Variants in FREM1 observed in about 807,000 individuals in gnomAD.
FREM1 encodes the protein FRAS1 related extracellular matrix 1, also known as FRAS1-related extracellular matrix protein 1.
A neutral mutation model predicts 210.1 loss-of-function variants in FREM1; 220 were observed. That is an observed-to-expected ratio of 1.05 (90% CI 0.94 to 1.17). The LOEUF (loss-of-function observed/expected upper bound fraction) is 1.17. Among genes scored for constraint, FREM1 ranks in the 50% most tolerant of loss-of-function variants. FREM1 has a pLI of 0.00. For synonymous variants in FREM1, 1,189 were observed against 980.2 expected, an observed-to-expected ratio of 1.21 and a Z score of -3.98; for missense variants, 3,454 against 2,675.5, an observed-to-expected ratio of 1.29 and a Z score of -6.42.
At chr9:14,861,371 G>GTACACA (rs1564109083) in intron 3 of FREM1, among the ~76,000 whole-genome samples, 1 of 65,124 alleles carries the variant, frequency 1.5e-5, no homozygotes, top group Non-Finnish European at 3.1e-5. Flanking sequence ...ATATATACAC[G>GTACACA]TATATACATA....
At chr9:14,835,120 T>C (rs139733274) in intron 10 of FREM1, among the ~76,000 whole-genome samples, 3 of 152,298 alleles carry the variant, frequency 2.0e-5, no homozygotes, top group African/African-American at 7.2e-5. Context: ...CAAAACAAAA[T>C]TTAACTAAGT....
rs554485869 is a variant in FREM1, at chr9:14,884,315, C to T, written c.-267-15071G>A. On this transcript the variant is annotated intron_variant, in intron 1 of 36. Coordinates refer to ENST00000380880, the MANE Select transcript of FREM1 (RefSeq NM_001379081.2). ...GTGGCTCAGCTGTTTCTTAACATTT[C>T]GAAATCCTCCTGACATGACTGCAAA... Among the ~76,000 whole-genome samples the T allele has an allele frequency of 4.6e-5, 7 of 152,274 alleles. No homozygotes were observed. In the South Asian group the frequency reaches 6.2e-4, roughly 14 times the overall value.
intron 10 of FREM1, 52 bp downstream of exon 10, chr9:14,841,395 A>T (rs1825674455): frequency 1.4e-6 from 2 of 1,445,584 alleles, no homozygotes; most frequent in Admixed American, 4.2e-5. Flanking sequence ...ATCTCCTAGA[A>T]TTGACACCTG....
chr9:14,849,887 T>C (rs977984152), intron 6 of FREM1, among the ~76,000 whole-genome samples: 6 of 152,094 alleles, frequency 3.9e-5, no homozygotes, highest in African/African-American at 1.2e-4. Flanking sequence ...AGATTGGATG[T>C]GCAATGAGAA....
At position 14,892,036 on chromosome 9, in the gene FREM1, C is replaced by T. The variant is rs905325108; in HGVS notation, c.-268+17878G>A. Among the ~76,000 whole-genome samples, 2 of 152,150 alleles carry T rather than the reference C, an allele frequency of 1.3e-5. 1 individual carries two copies. The highest frequency in any genetic ancestry group is 1.3e-4 in the Admixed American group (2 of 15,260). On this transcript the variant is annotated intron_variant, in intron 1 of 36. Transcript: ENST00000380880. Reference sequence around the variant, plus strand: ...ACTTGCTTTCACTTTACTCTATGGACTCACCCTGAATTCTTTCTATCCTAA... The same window carrying T: ...ACTTGCTTTCACTTTACTCTATGGATTCACCCTGAATTCTTTCTATCCTAA...
intron 27 of FREM1, among the ~76,000 whole-genome samples, chr9:14,769,404 C>T (rs1304948812): frequency 2.0e-5 from 3 of 152,152 alleles, no homozygotes; most frequent in Non-Finnish European, 4.4e-5. Context: ...CTACATGAAC[C>T]TGCAAACTCA....
In FREM1 at chr9:14,807,971, T is replaced by G; in HGVS notation, c.3057A>C (p.Pro1019=). ...PVYDLNITVY[P]VDNQPPSIAI... is the part of the protein sequence containing the mutation. ...CAATGGAAGGTGGCTGGTTGTCTAC[T>G]GGGTATACCGTGATGTTGAGATCAT... The change falls in exon 17 of 37, where the codon CCA becomes CCC. Residue 1019 remains proline (P), a synonymous_variant. Transcript: ENST00000380880. 6.2e-7 allele frequency: 1 copy of G among 1,613,632 alleles called. No individual in the cohort carries two copies. The highest frequency in any genetic ancestry group is 8.5e-7 in the Non-Finnish European group (1 of 1,179,658).
At chr9:14,876,535 C>A (rs2132038760) in intron 1 of FREM1, among the ~76,000 whole-genome samples, 1 of 152,296 alleles carries the variant, frequency 6.6e-6, no homozygotes. Context: ...GTCGGAAAAG[C>A]ACAGTATGAG....
At chr9:14,782,196 T>A (rs1169919373) in intron 24 of FREM1, among the ~76,000 whole-genome samples, 1 of 152,256 alleles carries the variant, frequency 6.6e-6, no homozygotes, top group East Asian at 1.9e-4. Context: ...CATTTTGTAG[T>A]TCTCTCTGGC....
At chr9:14,805,282 T>C (rs1433910824) in intron 18 of FREM1, 130 bp from the exon 19 acceptor site, 1 of 495,406 alleles carries the variant, frequency 2.0e-6, no homozygotes, top group Admixed American at 3.5e-5. Context: ...TTGACCTAAG[T>C]ATCTTGCTAT....
chr9:14,812,780 A>G (rs754050962), intron 16 of FREM1, 32 bp downstream of exon 16: 1 of 1,571,470 alleles, frequency 6.4e-7, no homozygotes, highest in Non-Finnish European at 8.6e-7. Context: ...TGTTGCTTGC[A>G]TTCCCTCACT....
chr9:14,840,944 T>G (rs1275995249), intron 10 of FREM1, among the ~76,000 whole-genome samples: 3 of 152,238 alleles, frequency 2.0e-5, no homozygotes, highest in Non-Finnish European at 2.9e-5. Flanking sequence ...CTAATGTATT[T>G]ATTGAGTGTT....
chr9:14,774,884 T>G (rs984082199), intron 25 of FREM1, among the ~76,000 whole-genome samples: 1 of 152,200 alleles, frequency 6.6e-6, no homozygotes, highest in East Asian at 1.9e-4. Context: ...CCTGAACTTG[T>G]ACCCTCATCT....
At chr9:14,770,164 A>T (rs894036540) in intron 26 of FREM1, among the ~76,000 whole-genome samples, 2 of 152,198 alleles carry the variant, frequency 1.3e-5, no homozygotes, top group Non-Finnish European at 2.9e-5. Context: ...CTGTTTAATG[A>T]TGTATTATGA....
chr9:14,891,031 G>T (rs1308698570), intron 1 of FREM1, among the ~76,000 whole-genome samples: 2 of 152,054 alleles, frequency 1.3e-5, no homozygotes, highest in African/African-American at 4.8e-5. Flanking sequence ...TCTTCATCAG[G>T]GACCTACCGT....
Position 14,780,069 on chromosome 9 carries a change from T to G in FREM1, c.4443-3866A>C, listed in dbSNP as rs115416303. ...CTGATCAATCAGATGGTCTTCCAAA[T>G]ACCCCCTCCCCTAAATCCTCCAAAT... On this transcript the variant is annotated intron_variant, in intron 24 of 36. Transcript: ENST00000380880. Among the ~76,000 whole-genome samples the G allele has an allele frequency of 6.0e-3, 914 of 152,292 alleles. 7 individuals carry two copies. Among genetic ancestry groups the G allele is most frequent in the African/African-American group, 0.021 (864 of 41,566 alleles).
At chr9:14,880,399 T>C (rs553733978) in intron 1 of FREM1, among the ~76,000 whole-genome samples, 95 of 151,068 alleles carry the variant, frequency 6.3e-4, no homozygotes, top group African/African-American at 2.3e-3. Flanking sequence ...AAGTCAGGAG[T>C]TCGAGACCAG....
intron 25 of FREM1, 39 bp from the exon 26 acceptor site, chr9:14,770,845 C>T: frequency 1.4e-6 from 2 of 1,468,488 alleles, no homozygotes; most frequent in Non-Finnish European, 9.4e-7. Flanking sequence ...TGTCCAAAGG[C>T]CCCTCACCCC....
Position 14,737,292 on chromosome 9 carries a change from A to G in FREM1, c.*104T>C, listed in dbSNP as rs1840563054. 1 of 736,732 alleles carries G rather than the reference A, an allele frequency of 1.4e-6. No homozygotes were observed. The highest frequency in any genetic ancestry group is 2.1e-5 in the South Asian group (1 of 48,078). 45.6% of individuals were successfully genotyped at this position (736,732 alleles called of 1,614,324 possible). ...TCACTAGACAGAATCACAAAGGTAT[A>G]CCCACTCAATCATAACAATTTGTTT... is the stretch of plus-strand genomic sequence containing the variant. On this transcript the variant is annotated 3_prime_UTR_variant, in exon 37 of 37. Coordinates refer to ENST00000380880, the MANE Select transcript of FREM1 (RefSeq NM_001379081.2).
Sources: allele counts gnomAD v4.1 joint callset (sites outside exome capture counted in the v4.1 genomes callset), GRCh38; gene constraint gnomAD v4.1.1; transcripts MANE v1.5; gene names NCBI Gene and HGNC (gene_info 2026-07-23, HGNC 2026-07-21).